Variants in KALRN observed in about 807,000 individuals in gnomAD.
KALRN encodes kalirin.
In KALRN, 70 loss-of-function variants were observed where a neutral mutation model predicts 353.7. The ratio of observed to expected loss-of-function variants is 0.20; its 90% CI spans 0.16 to 0.24. The LOEUF is 0.24. Ranked by LOEUF, KALRN falls within the 10% of genes least tolerant of loss-of-function variation. KALRN has a pLI of 1.00. For missense variants in KALRN, 2,791 were observed against 3,756.7 expected, an observed-to-expected ratio of 0.74 and a Z score of 6.72; for synonymous variants, 1,391 against 1,434.8, an observed-to-expected ratio of 0.97 and a Z score of 0.69.
At chr3:124,646,749 T>C (rs535019142) in intron 37 of KALRN, among the ~76,000 whole-genome samples, 23 of 151,784 alleles carry the variant, frequency 1.5e-4, no homozygotes, top group Non-Finnish European at 3.2e-4. Context: ...ATAAGAAATA[T>C]ATGCTTATTC....
intron 1 of KALRN, chr3:124,094,881 G>C: frequency 6.2e-7 from 1 of 1,614,078 alleles, no homozygotes; most frequent in Non-Finnish European, 8.5e-7. Flanking sequence ...TGGTATCTCC[G>C]CTTGCTCCGG....
chr3:124,033,544 C>T lies in KALRN; in HGVS notation c.-197C>T, dbSNP rs1049297458. On this transcript the variant is annotated 5_prime_UTR_variant, in exon 1 of 60. Transcript: ENST00000682506. This position sits in a 1 kb window ranked among gnomAD's most constrained non-coding sequence, Gnocchi z 6.2. ...CTGGCGGCAGGCACCCCCAGCCCGC[C>T]GCGCGCCTCCGCCTGAGGGAGGCTC... 6.6e-6 allele frequency among the ~76,000 whole-genome samples: 1 copy of T among 151,680 alleles called. No individual in the cohort carries two copies. Among genetic ancestry groups the T allele is most frequent in the African/African-American group, 2.4e-5 (1 of 41,368 alleles).
intron 33 of KALRN, among the ~76,000 whole-genome samples, chr3:124,518,061 A>G (rs2066817348): frequency 6.6e-6 from 1 of 152,204 alleles, no homozygotes; most frequent in South Asian, 2.1e-4. Context: ...AAGCCACTGC[A>G]GGACTGGTCT....
intron 1 of KALRN, among the ~76,000 whole-genome samples, chr3:124,089,973 C>T (rs972119294): frequency 6.6e-6 from 1 of 152,166 alleles, no homozygotes; most frequent in Non-Finnish European, 1.5e-5. Flanking sequence ...ATATTAAGCT[C>T]TCATCATAAA....
intron 1 of KALRN, among the ~76,000 whole-genome samples, chr3:124,089,228 T>C (rs1395965674): frequency 1.3e-5 from 2 of 152,176 alleles, no homozygotes; most frequent in Admixed American, 1.3e-4. Flanking sequence ...CTGATTTTAC[T>C]GGGCAGACCT....
intron 3 of KALRN, among the ~76,000 whole-genome samples, chr3:124,255,650 C>G (rs1212996759): frequency 2.6e-5 from 4 of 152,152 alleles, no homozygotes; most frequent in African/African-American, 9.7e-5. Flanking sequence ...TGTAGATACC[C>G]CACAATAGCC....
rs944047091 is a variant in KALRN at position 124,251,808 on chromosome 3, G to A, written c.264-12690G>A. On this transcript the variant is annotated intron_variant, in intron 3 of 59. Transcript: ENST00000682506. ...CTTTATGGCTATACCTGGGAATGTTGGGTGTGACCCTGGGACCTGAGTCTG... is the reference window on the plus strand; with the variant it reads ...CTTTATGGCTATACCTGGGAATGTTAGGTGTGACCCTGGGACCTGAGTCTG... Among the ~76,000 whole-genome samples, 5 of 152,238 alleles carry A rather than the reference G, an allele frequency of 3.3e-5. No individual in the cohort carries two copies. In the South Asian group the frequency reaches 1.0e-3, roughly 32 times the overall value.
intron 1 of KALRN, among the ~76,000 whole-genome samples, chr3:124,086,355 T>TGTG (rs1461846599): frequency 8.1e-5 from 8 of 98,996 alleles, no homozygotes; most frequent in African/African-American, 3.5e-5. Context: ...GTGTGTGTGT[T>TGTG]TTTGCTGGGG....
chr3:124,466,394 T>C (rs1289911804), intron 25 of KALRN, among the ~76,000 whole-genome samples: 1 of 152,324 alleles, frequency 6.6e-6, no homozygotes, highest in East Asian at 1.9e-4. Context: ...TATATTCCAT[T>C]AGTAGATCCC....
intron 33 of KALRN, among the ~76,000 whole-genome samples, chr3:124,548,567 T>C (rs539276895): frequency 9.8e-5 from 15 of 152,350 alleles, no homozygotes; most frequent in African/African-American, 3.4e-4. Flanking sequence ...GAAGGGAGTA[T>C]TCCATGTGAC....
chr3:124,099,810 T>C (rs2149419363), intron 1 of KALRN, among the ~76,000 whole-genome samples: 1 of 152,318 alleles, frequency 6.6e-6, no homozygotes, highest in East Asian at 1.9e-4. Context: ...CCCTGGTGAT[T>C]AATGATTTTG....
At chr3:124,077,228 C>T (rs2060302540) in intron 1 of KALRN, among the ~76,000 whole-genome samples, 1 of 152,158 alleles carries the variant, frequency 6.6e-6, no homozygotes, top group South Asian at 2.1e-4. Context: ...TGTGTGATGT[C>T]TCATGTCGCA....
intron 1 of KALRN, among the ~76,000 whole-genome samples, chr3:124,061,261 C>CA (rs2041972587): frequency 6.6e-6 from 1 of 152,170 alleles, no homozygotes; most frequent in Admixed American, 6.5e-5. Context: ...CCAGTTTGTA[C>CA]TGAATTCCCA....
In KALRN at chr3:124,325,867, G is replaced by A. The variant is rs140983272; in HGVS notation, c.1093-113G>A. ...ATACACTAGTATGGACTGTACCAGC[G>A]TCTCTCAGACTTTTGTTTTGGGCAG... On this transcript the variant is annotated intron_variant, in intron 6 of 59. Coordinates refer to ENST00000682506, the MANE Select transcript of KALRN (RefSeq NM_001388419.1). 2.1e-3 allele frequency: 1,612 copies of A among 782,900 alleles called. 13 individuals carry two copies. In the Middle Eastern group the frequency reaches 0.031, roughly 15 times the overall value. 48.5% of individuals were successfully genotyped at this position (782,900 alleles called of 1,614,324 possible).
At chr3:124,711,075 C>T (rs2062862391) in intron 57 of KALRN, among the ~76,000 whole-genome samples, 1 of 152,170 alleles carries the variant, frequency 6.6e-6, no homozygotes, top group Admixed American at 6.5e-5. Flanking sequence ...TGAAACAAAA[C>T]TGCCATTTTG....
At chr3:124,228,924 C>A (rs1416135530) in intron 2 of KALRN, among the ~76,000 whole-genome samples, 1 of 152,108 alleles carries the variant, frequency 6.6e-6, no homozygotes, top group Non-Finnish European at 1.5e-5. Context: ...CCATCTCTAC[C>A]TCCAGGGTCA....
chr3:124,205,091 G>A (rs900976444), intron 1 of KALRN, among the ~76,000 whole-genome samples: 1 of 152,158 alleles, frequency 6.6e-6, no homozygotes, highest in African/African-American at 2.4e-5. Flanking sequence ...ACATAGTGTT[G>A]CCTTGCCATA....
chr3:124,116,663 C>G (rs1578231047), intron 1 of KALRN, among the ~76,000 whole-genome samples: 1 of 152,246 alleles, frequency 6.6e-6, no homozygotes, highest in East Asian at 1.9e-4. Flanking sequence ...GTACTGAATC[C>G]TAAATATACT....
chr3:124,465,868 G>A (rs1178520859), intron 25 of KALRN, among the ~76,000 whole-genome samples: 1 of 152,138 alleles, frequency 6.6e-6, no homozygotes, highest in Admixed American at 6.6e-5. Context: ...GAGAGAAAGG[G>A]ATTGAGATTG....
Sources: gnomAD v4.1 joint callset for allele counts (sites outside exome capture counted in the v4.1 genomes callset) on GRCh38, gnomAD v4.1.1 for gene constraint, Gnocchi (gnomAD v3.1) non-coding constraint, MANE v1.5 for transcripts, NCBI Gene and HGNC (gene_info 2026-07-23, HGNC 2026-07-21) for gene names.